SPTBN5: variants seen among roughly 807,000 people sequenced by gnomAD.
SPTBN5 encodes spectrin beta, non-erythrocytic 5.
Under a neutral mutation model 477.6 loss-of-function variants are expected in SPTBN5, and 513 were observed. The observed-to-expected ratio is 1.07, with a 90% CI of 1.00 to 1.16. SPTBN5 has a LOEUF of 1.16. SPTBN5 is among the 50% of genes most tolerant of loss of function. SPTBN5 has a pLI of 0.00. For missense variants in SPTBN5, 5,062 were observed against 4,731.8 expected (o/e 1.07, Z -2.05); for synonymous variants, 2,169 against 2,011.7 (o/e 1.08, Z -2.09).
At chr15:41,890,356 G>C (rs1419374355) in intron 3 of SPTBN5, among the ~76,000 whole-genome samples, 151 bp from the exon 4 acceptor site, 1 of 152,220 alleles carries the variant, frequency 6.6e-6, no homozygotes, top group Non-Finnish European at 1.5e-5. Context: ...GCAGGCAGGG[G>C]ATAAGTCCAG....
chr15:41,852,510 C>T (rs1334794868), intron 61 of SPTBN5, 124 bp downstream of exon 61: 2 of 1,319,538 alleles, frequency 1.5e-6, no homozygotes, highest in Non-Finnish European at 2.2e-6. Context: ...CCGCAGCTGG[C>T]CAGGGAAAGG....
In SPTBN5 at chr15:41,863,797, G is replaced by A. The variant is rs377620267; in HGVS notation, c.7056C>T (p.Asn2352=). The A allele has an allele frequency of 4.3e-6, 7 of 1,613,776 alleles. No individual in the cohort carries two copies. The African/African-American group carries it at 6.7e-5, about 15-fold the overall frequency. Reference sequence around the variant, plus strand: ...CGAGCTGCTGCTGGTACCGGAGCAAGTTGCCATGGAAACTCGCCCACCTGG... The same window carrying A: ...CGAGCTGCTGCTGGTACCGGAGCAAATTGCCATGGAAACTCGCCCACCTGG... ...LNNRWASFHG[N]LLRYQQQLEG... is the part of the protein sequence containing the mutation. Residue 2352 remains asparagine (N), a synonymous_variant, in exon 41 of 68, where the codon AAC becomes AAT. Coordinates refer to ENST00000320955, the MANE Select transcript of SPTBN5 (RefSeq NM_016642.4).
In SPTBN5 at chr15:41,893,704, A is replaced by G. The variant is rs373391601; in HGVS notation, c.-49-158T>C. 6.1e-5 allele frequency: 56 copies of G among 912,664 alleles called. No homozygotes were observed. In the East Asian group the frequency reaches 6.9e-4, roughly 11 times the overall value. 56.5% of individuals were successfully genotyped at this position (912,664 alleles called of 1,614,324 possible). ...AGTGCTTCTGGTCCCCTGTGCTTGA[A>G]TGGCCCAGGGCCCCCTTTGCCCCAC... On this transcript the variant is annotated intron_variant, in intron 1 of 67. Transcript: ENST00000320955.
In SPTBN5 at chr15:41,876,628, T is replaced by C. The variant is rs1337196972; in HGVS notation, c.3871A>G (p.Ser1291Gly). 2 of 1,529,866 alleles carry C rather than the reference T, an allele frequency of 1.3e-6. No homozygotes were observed. The highest frequency in any genetic ancestry group is 1.8e-6 in the Non-Finnish European group (2 of 1,131,350). The allele number at this position is 1,529,866 out of a possible 1,614,324, so 94.8% of individuals were successfully genotyped here. ...AGCCTGGTCCACTGTGCCTGGATAC[T>C]CTGCAGCTGCTCTCTGACCCTGGAG... ...AAHTVREQLQ[S>G]IQAQWTRLQG... The change falls in exon 20 of 68, where the codon AGT (serine) becomes GGT (glycine). Residue 1291 changes from serine (S) to glycine (G), a missense_variant. Transcript: ENST00000320955.
chr15:41,889,946 G>A (rs1353399543), intron 4 of SPTBN5, 143 bp downstream of exon 4: 1 of 612,242 alleles, frequency 1.6e-6, no homozygotes, highest in South Asian at 2.0e-5. Context: ...CATGGTTGGA[G>A]AGTGAATATG....
In SPTBN5 at chr15:41,870,013, T is replaced by C; in HGVS notation, c.5681A>G (p.Glu1894Gly). ...ELVGTERQLQ[E>G]LLETAGRVQK... ...CACCCTGCCTGCAGTCTCCAGCAGT[T>C]CCTGCAGCTGCGGGAGGGGCAGGGA... Residue 1894 changes from glutamate (E) to glycine (G), a missense_variant, in exon 32 of 68, where the codon GAA becomes GGA. Transcript: ENST00000320955. The C allele has an allele frequency of 6.7e-7, 1 of 1,493,230 alleles. No homozygotes were observed. Among genetic ancestry groups the C allele is most frequent in the Non-Finnish European group, 8.9e-7 (1 of 1,119,092 alleles). The allele number at this position is 1,493,230 out of a possible 1,614,324, so 92.5% of individuals were successfully genotyped here.
In SPTBN5 at chr15:41,848,591, G is replaced by A. The variant is rs1567175922; in HGVS notation, c.*25C>T. On this transcript the variant is annotated 3_prime_UTR_variant, in exon 68 of 68. Coordinates refer to ENST00000320955, the MANE Select transcript of SPTBN5 (RefSeq NM_016642.4). Reference sequence around the variant, plus strand: ...ATGTGTCCTCGCTTGTGCCCCTGAAGTTTGGTGTTGCACTGGGGTTCACCT... The same window carrying A: ...ATGTGTCCTCGCTTGTGCCCCTGAAATTTGGTGTTGCACTGGGGTTCACCT... The A allele has an allele frequency of 6.2e-7, 1 of 1,613,874 alleles. No homozygotes were observed. The highest frequency in any genetic ancestry group is 1.7e-5 in the Admixed American group (1 of 60,022).
Position 41,882,729 on chromosome 15 carries a change from C to T in SPTBN5, c.1902G>A (p.Leu634=), listed in dbSNP as rs757090198. The T allele has an allele frequency of 8.1e-6, 13 of 1,609,326 alleles. No individual in the cohort carries two copies. The highest frequency in any genetic ancestry group is 1.1e-5 in the Non-Finnish European group (13 of 1,178,152). ...CTGCCCGCTGCAGGGTCTGCTCCAG[C>T]AGGGCCCGCCTGAGGGACAATAGGG... ...LVALVRARRA[L]LEQTLQRAEF... is the part of the protein sequence containing the mutation. Residue 634 remains leucine, a synonymous_variant, in exon 10 of 68, where the codon CTG becomes CTA. Transcript: ENST00000320955.
At chr15:41,879,015 G>A (rs930588435) in intron 16 of SPTBN5, among the ~76,000 whole-genome samples, 1 of 152,120 alleles carries the variant, frequency 6.6e-6, no homozygotes, top group Non-Finnish European at 1.5e-5. Flanking sequence ...CCAGTGAGCC[G>A]AGATCACGCC....
In SPTBN5 at chr15:41,883,097, T is replaced by C; in HGVS notation, c.1791A>G (p.Ala597=). ...AHVSHLAQQT[A]ELDSSLGTSV... ...TGGTGCCCAGGGAGGAGTCCAGCTC[T>C]GCTGTCTGCTGAGCAAGATGGCTCA... The change falls in exon 9 of 68, where the codon GCA becomes GCG. Residue 597 remains alanine (A), a synonymous_variant. Coordinates refer to ENST00000320955, the MANE Select transcript of SPTBN5 (RefSeq NM_016642.4). The C allele has an allele frequency of 6.2e-7, 1 of 1,607,772 alleles. No homozygotes were observed. The highest frequency in any genetic ancestry group is 8.5e-7 in the Non-Finnish European group (1 of 1,177,498).
In SPTBN5 at chr15:41,893,474, G is replaced by T; in HGVS notation, c.24C>A (p.Pro8=). 1 of 1,594,188 alleles carries T rather than the reference G, an allele frequency of 6.3e-7. No individual in the cohort carries two copies. Residue 8 remains proline, a synonymous_variant, in exon 2 of 68, where the codon CCC becomes CCA. Coordinates refer to ENST00000320955, the MANE Select transcript of SPTBN5 (RefSeq NM_016642.4). ...GCCCTGCAGCCCCGAGGAGCTCCCGGGGACTGTGGGGCTGACCAGCCATCA... is the reference window on the plus strand; with the variant it reads ...GCCCTGCAGCCCCGAGGAGCTCCCGTGGACTGTGGGGCTGACCAGCCATCA... The part of the protein sequence containing the change: MAGQPHS[P]RELLGAAGHR...
Position 41,869,922 on chromosome 15 carries a change from C to T in SPTBN5, c.5772G>A (p.Ala1924=), listed in dbSNP as rs746620022. The change falls in exon 32 of 68, where the codon GCG becomes GCA. Residue 1924 remains alanine, a synonymous_variant. Coordinates refer to ENST00000320955, the MANE Select transcript of SPTBN5 (RefSeq NM_016642.4). ...VQQRQQAVTQ[A]WAVLQRRMEQ... is the part of the protein sequence containing the mutation. ...CCATGCGTCGCTGCAGCACTGCCCA[C>T]GCCTGCGTCACAGCTTGCTGCCTCT... The T allele has an allele frequency of 1.0e-5, 16 of 1,552,654 alleles. No individual in the cohort carries two copies. Among genetic ancestry groups the T allele is most frequent in the Admixed American group, 7.6e-5 (4 of 52,740 alleles).
rs759770839 is a variant in SPTBN5, at chr15:41,853,263, C to T, written c.10165G>A (p.Ala3389Thr). The change falls in exon 59 of 68, where the codon GCG (alanine) becomes ACG (threonine). Residue 3389 changes from alanine to threonine, a missense_variant. Transcript: ENST00000320955. ...QLVDNSHFMS[A>T]EVTECLQELE... ...CCCACCCTCTGAGTTCACACCTCCG[C>T]AGACATGAAGTGGCTGTTGTCCACC... 6.2e-6 allele frequency: 10 copies of T among 1,600,030 alleles called. No individual in the cohort carries two copies. Among genetic ancestry groups the T allele is most frequent in the Non-Finnish European group, 1.7e-6 (2 of 1,170,348 alleles).
At position 41,851,326 on chromosome 15, in the gene SPTBN5, C is replaced by T. The variant is rs1461285965; in HGVS notation, c.10700G>A (p.Gly3567Asp). Residue 3567 changes from glycine (G) to aspartate (D), a missense_variant, in exon 64 of 68, where the codon GGC (glycine) becomes GAC (aspartate). Transcript: ENST00000320955. ...ATCCAGGAACAGGCTCAGAGAGCTG[C>T]CCTGCAAGTTCCCGCGGCAGCTGTC... ...SWDSCRGNLQ[G>D]SSLSLFLDER... is the part of the protein sequence containing the mutation. 7 of 1,551,166 alleles carry T rather than the reference C, an allele frequency of 4.5e-6. No individual in the cohort carries two copies. The East Asian group carries it at 1.5e-4, about 33-fold the overall frequency.
At position 41,857,620 on chromosome 15, in the gene SPTBN5, G is replaced by A. The variant is rs754353917; in HGVS notation, c.8317C>T (p.Gln2773Ter). 1.2e-5 allele frequency: 19 copies of A among 1,606,358 alleles called. No individual in the cohort carries two copies. Among genetic ancestry groups the A allele is most frequent in the Middle Eastern group, 1.6e-4 (1 of 6,072 alleles). ...GCCACCTTCTTCTGGGAGTTGTCTT[G>A]CAGCTCACCCCAGAGTGCTCCCAGC... is the stretch of plus-strand genomic sequence containing the variant. ...EELGALWGELQDNSQKKVAKL... is the reference protein window; with the variant it reads ...EELGALWGEL Residue 2773 changes from glutamine (Q) to a stop codon, truncating the protein, a stop_gained, in exon 50 of 68, where the codon CAA (glutamine) becomes TAA (stop). Transcript: ENST00000320955. LOFTEE classifies it high-confidence loss of function.
chr15:41,876,250 C>T lies in SPTBN5; in HGVS notation c.3986G>A (p.Trp1329Ter), dbSNP rs1019177831. 2 of 1,595,056 alleles carry T rather than the reference C, an allele frequency of 1.3e-6. No homozygotes were observed. Among genetic ancestry groups the T allele is most frequent in the Non-Finnish European group, 1.7e-6 (2 of 1,173,434 alleles). Residue 1329 changes from tryptophan to a stop codon, truncating the protein, a stop_gained, in exon 21 of 68, where the codon TGG becomes TAG. Coordinates refer to ENST00000320955, the MANE Select transcript of SPTBN5 (RefSeq NM_016642.4). LOFTEE classifies it high-confidence loss of function. Reference sequence around the variant, plus strand: ...AGCCATCAGCCCCTTCTCTTCCATCCACTGCATCAGCTCTGCCACATCCTG... The same window carrying T: ...AGCCATCAGCCCCTTCTCTTCCATCTACTGCATCAGCTCTGCCACATCCTG... ...WKQDVAELMQ[W>*]MEEKGLMAAH...
In SPTBN5 at chr15:41,854,111, TC is replaced by T; in HGVS notation, c.9712del (p.Glu3238ArgfsTer90). 1.3e-6 allele frequency: 2 copies of T among 1,586,722 alleles called. No homozygotes were observed. The highest frequency in any genetic ancestry group is 8.6e-7 in the Non-Finnish European group (1 of 1,167,510). ...AGATGACAGGCTGTGGCCTCCGTCC[TC>T]CCCCTTCATCAGGGCCGTCTTCTCC... is the stretch of plus-strand genomic sequence containing the variant. ...MQEKTALMKG[E>X]DGGHSLSSVR... On this transcript the variant is annotated frameshift_variant, in exon 57 of 68. Coordinates refer to ENST00000320955, the MANE Select transcript of SPTBN5 (RefSeq NM_016642.4). LOFTEE classifies it high-confidence loss of function.
rs760821997 is a variant in SPTBN5 at position 41,873,545 on chromosome 15, G to T, written c.4954C>A (p.Arg1652=). 6.4e-7 allele frequency: 1 copy of T among 1,552,144 alleles called. No homozygotes were observed. The highest frequency in any genetic ancestry group is 2.0e-5 in the Admixed American group (1 of 51,074). ...VEEKRPLVSS[R]DYGRDEAATL... Reference sequence around the variant, plus strand: ...GCTGCCTCGTCTCTGCCATAGTCCCGACTGCTCACCAGCGGCCGCTTCTCC... The same window carrying T: ...GCTGCCTCGTCTCTGCCATAGTCCCTACTGCTCACCAGCGGCCGCTTCTCC... The change falls in exon 26 of 68, where the codon CGG becomes AGG. Residue 1652 remains arginine, a synonymous_variant. Transcript: ENST00000320955.
chr15:41,863,588 C>A, intron 41 of SPTBN5, 116 bp downstream of exon 41: 1 of 782,586 alleles, frequency 1.3e-6, no homozygotes, highest in Admixed American at 2.3e-5. Context: ...CTCCAAGTAC[C>A]CAGCTGAACA....
Sources: allele counts gnomAD v4.1 joint callset (sites outside exome capture counted in the v4.1 genomes callset), GRCh38; gene constraint gnomAD v4.1.1; transcripts MANE v1.5; gene names NCBI Gene and HGNC (gene_info 2026-07-23, HGNC 2026-07-21).